Variants in UBE2L3 observed in about 807,000 individuals in gnomAD.
The protein encoded by UBE2L3 is ubiquitin conjugating enzyme E2 L3.
Under a neutral mutation model 17.8 loss-of-function variants are expected in UBE2L3, and 1 was observed. The observed-to-expected ratio is 0.06, with a 90% CI of 0.02 to 0.27. The LOEUF (loss-of-function observed/expected upper bound fraction) is 0.27. Ranked by LOEUF, UBE2L3 falls within the 10% of genes least tolerant of loss-of-function variation. The pLI is 1.00. For synonymous variants in UBE2L3, 44 were observed against 68.5 expected (o/e 0.64, Z 1.76); for missense variants, 40 against 192.6 (o/e 0.21, Z 4.69).
chr22:21,562,365 TTTC>T, intron 1 of UBE2L3, among the ~76,000 whole-genome samples: 1 of 145,052 alleles, frequency 6.9e-6, no homozygotes, highest in East Asian at 2.0e-4. Context: ...CGGCTAATTT[TTTC>T]TTTTTTTCTT....
At chr22:21,593,704 G>A (rs1423365727) in intron 2 of UBE2L3, among the ~76,000 whole-genome samples, 1 of 152,038 alleles carries the variant, frequency 6.6e-6, no homozygotes, top group South Asian at 2.1e-4. Flanking sequence ...GTCACACCCA[G>A]CCCACAGGCT....
intron 1 of UBE2L3, among the ~76,000 whole-genome samples, chr22:21,587,742 A>T (rs934029821): frequency 6.6e-6 from 1 of 152,118 alleles, no homozygotes; most frequent in African/African-American, 2.4e-5. Context: ...CCCAGGGCCC[A>T]TCTCTCCTGT....
chr22:21,584,312 G>C (rs1927817221), intron 1 of UBE2L3, among the ~76,000 whole-genome samples: 1 of 151,492 alleles, frequency 6.6e-6, no homozygotes, highest in Non-Finnish European at 1.5e-5. Flanking sequence ...CGAGTAGCTG[G>C]GACTACAGGT....
At chr22:21,604,215 A>G (rs1346117581) in intron 2 of UBE2L3, among the ~76,000 whole-genome samples, 1 of 152,078 alleles carries the variant, frequency 6.6e-6, no homozygotes, top group African/African-American at 2.4e-5. Flanking sequence ...TAATGCTGAA[A>G]TCAGCTGGGC....
Position 21,567,781 on chromosome 22 carries a change from A to G in UBE2L3, c.27+10A>G, listed in dbSNP as rs560640835. 18 of 1,579,930 alleles carry G rather than the reference A, an allele frequency of 1.1e-5. No homozygotes were observed. The highest frequency in any genetic ancestry group is 4.0e-5 in the African/African-American group (3 of 74,814). On this transcript the variant is annotated intron_variant, in intron 1 of 3. Coordinates refer to ENST00000342192, the MANE Select transcript of UBE2L3 (RefSeq NM_003347.4). ...CAGGAGGCTGATGAAGGTAAAAGCC[A>G]TTCTCTGGCAGCGGCCGGGCGTGGG... is the stretch of plus-strand genomic sequence containing the variant.
intron 1 of UBE2L3, among the ~76,000 whole-genome samples, chr22:21,580,529 A>G (rs1331352428): frequency 1.3e-5 from 2 of 151,942 alleles, no homozygotes; most frequent in Admixed American, 6.6e-5. Flanking sequence ...GGCTTACTGC[A>G]GCCTCTGCCT....
chr22:21,559,861 A>G (rs980543527), intron 1 of UBE2L3, among the ~76,000 whole-genome samples: 1 of 152,292 alleles, frequency 6.6e-6, no homozygotes, highest in African/African-American at 2.4e-5. Flanking sequence ...GCTGAGTTCC[A>G]GTGGAGTTCC....
chr22:21,562,670 C>CTTT (rs131653), intron 1 of UBE2L3, among the ~76,000 whole-genome samples: 12 of 105,224 alleles, frequency 1.1e-4, no homozygotes, highest in African/African-American at 1.5e-4. Context: ...CACGCCTGGG[C>CTTT]TTTTTTTTTT....
chr22:21,591,227 C>T (rs911434842), intron 1 of UBE2L3, among the ~76,000 whole-genome samples: 7 of 152,212 alleles, frequency 4.6e-5, no homozygotes, highest in African/African-American at 1.7e-4. Context: ...ATGCCGCTAA[C>T]GCCTCCTCAG....
intron 1 of UBE2L3, among the ~76,000 whole-genome samples, chr22:21,552,223 ACT>A (rs1470808017): frequency 6.6e-6 from 1 of 152,142 alleles, no homozygotes; most frequent in Non-Finnish European, 1.5e-5. Flanking sequence ...ATGGGGCCTC[ACT>A]CTGTCGCCAG....
chr22:21,589,440 C>T (rs1416678053), intron 1 of UBE2L3, among the ~76,000 whole-genome samples: 1 of 152,342 alleles, frequency 6.6e-6, no homozygotes, highest in East Asian at 1.9e-4. Context: ...AACCACTGCG[C>T]CCGGCATGAT....
chr22:21,600,895 C>T (rs1365293834), intron 2 of UBE2L3, among the ~76,000 whole-genome samples: 2 of 151,766 alleles, frequency 1.3e-5, no homozygotes, highest in Non-Finnish European at 2.9e-5. Flanking sequence ...CAAGGAGGGA[C>T]GTGGTGGCTG....
chr22:21,573,955 G>A (rs1279676743), intron 1 of UBE2L3, among the ~76,000 whole-genome samples: 3 of 152,180 alleles, frequency 2.0e-5, no homozygotes, highest in Non-Finnish European at 4.4e-5. Context: ...CTCTATAGAG[G>A]GGTCACTGAG....
chr22:21,588,790 G>A (rs1928093367), intron 1 of UBE2L3, among the ~76,000 whole-genome samples: 1 of 151,944 alleles, frequency 6.6e-6, no homozygotes, highest in Non-Finnish European at 1.5e-5. Flanking sequence ...AGCCTCCCAA[G>A]TAGCTGGGAT....
chr22:21,603,567 G>A (rs1473709136), intron 2 of UBE2L3, among the ~76,000 whole-genome samples: 1 of 148,982 alleles, frequency 6.7e-6, no homozygotes, highest in Non-Finnish European at 1.5e-5. Flanking sequence ...AAGTGGGCTG[G>A]TCGCCGTGGC....
At chr22:21,617,144 TAAA>T (rs552706292) in intron 3 of UBE2L3, among the ~76,000 whole-genome samples, 5 of 110,662 alleles carry the variant, frequency 4.5e-5, no homozygotes, top group Non-Finnish European at 5.7e-5. Context: ...AACTCTGTCT[TAAA>T]AAAAAAAAAA....
At chr22:21,609,471 C>G (rs1003852864) in intron 2 of UBE2L3, among the ~76,000 whole-genome samples, 1 of 152,082 alleles carries the variant, frequency 6.6e-6, no homozygotes, top group Non-Finnish European at 1.5e-5. Context: ...CTTTGGGAGG[C>G]CGAGACAGGC....
At chr22:21,575,408 C>G (rs1056884223) in intron 1 of UBE2L3, among the ~76,000 whole-genome samples, 1 of 122,552 alleles carries the variant, frequency 8.2e-6, no homozygotes, top group African/African-American at 3.2e-5. Flanking sequence ...AACCCCATCT[C>G]TACTAAAAAA....
chr22:21,584,281 G>T (rs558549746), intron 1 of UBE2L3, among the ~76,000 whole-genome samples: 5 of 150,454 alleles, frequency 3.3e-5, no homozygotes, highest in African/African-American at 7.3e-5. Flanking sequence ...GGGTTCAAGC[G>T]ATTCTTCTGC....
Sources: gnomAD v4.1 joint callset for allele counts (sites outside exome capture counted in the v4.1 genomes callset) on GRCh38, gnomAD v4.1.1 for gene constraint, MANE v1.5 for transcripts, NCBI Gene and HGNC (gene_info 2026-07-23, HGNC 2026-07-21) for gene names.